ABCF1: variants seen among roughly 807,000 people sequenced by gnomAD.
ABCF1 encodes the protein ATP binding cassette subfamily F member 1, also known as ATP-binding cassette sub-family F member 1.
Under a neutral mutation model 126.3 loss-of-function variants are expected in ABCF1, and 73 were observed. The observed-to-expected ratio is 0.58, with a 90% CI of 0.48 to 0.70. The LOEUF is 0.70. Ranked by LOEUF, ABCF1 falls within the 30% of genes least tolerant of loss-of-function variation. The pLI, the probability that ABCF1 is intolerant of heterozygous loss-of-function variation, is 0.00. For missense variants in ABCF1, 786 were observed against 1,057.5 expected, an observed-to-expected ratio of 0.74 and a Z score of 3.56; for synonymous variants, 345 against 396.4, an observed-to-expected ratio of 0.87 and a Z score of 1.54.
rs925493762 is a variant in ABCF1, at chr6:30,582,407, A to G, written c.692A>G (p.Glu231Gly). The change falls in exon 9 of 25, where the codon GAA (glutamate) becomes GGA (glycine). Residue 231 changes from glutamate to glycine, a missense_variant. By Grantham distance (98) the Glu-to-Gly change is moderately conservative. This residue lies in a region of ABCF1 where 322 missense variants were observed against 322.9 expected (regional missense o/e 1.00). Coordinates refer to ENST00000326195, the MANE Select transcript of ABCF1 (RefSeq NM_001025091.2). ...AKKAEQGSEE[E>G]GEGEEEEEEG... is the part of the protein sequence containing the mutation. ...GGGTTCTCACAGGGTTCAGAGGAAG[A>G]AGGAGAAGGGGAAGAAGAGGAGGAG... 4 of 1,604,058 alleles carry G rather than the reference A, an allele frequency of 2.5e-6. No homozygotes were observed. Among genetic ancestry groups the G allele is most frequent in the Non-Finnish European group, 3.4e-6 (4 of 1,172,364 alleles).
In ABCF1 at chr6:30,586,010, T is replaced by C. The variant is rs1434168834; in HGVS notation, c.1713+19T>C. 10 of 1,601,316 alleles carry C rather than the reference T, an allele frequency of 6.2e-6. No homozygotes were observed. Among genetic ancestry groups the C allele is most frequent in the African/African-American group, 1.3e-5 (1 of 74,484 alleles). On this transcript the variant is annotated intron_variant, in intron 17 of 24. Coordinates refer to ENST00000326195, the MANE Select transcript of ABCF1 (RefSeq NM_001025091.2). This position sits in a 1 kb window ranked among gnomAD's most constrained non-coding sequence, Gnocchi z 4.9. Reference sequence around the variant, plus strand: ...GCAGGCGGTGAGCACCTGAGGGACTTCTGGGCTGGGGGCCACTGTTCTCTC... The same window carrying C: ...GCAGGCGGTGAGCACCTGAGGGACTCCTGGGCTGGGGGCCACTGTTCTCTC...
chr6:30,575,631 T>C (rs1443425763), intron 1 of ABCF1, among the ~76,000 whole-genome samples: 1 of 151,954 alleles, frequency 6.6e-6, no homozygotes, highest in Admixed American at 6.6e-5. Context: ...CAGGTTACTC[T>C]CTAGAATGAA....
In ABCF1 at chr6:30,586,645, C is replaced by T; in HGVS notation, c.1965C>T (p.Cys655=). The change falls in exon 20 of 25, where the codon TGC becomes TGT. Residue 655 remains cysteine (C), a synonymous_variant. Transcript: ENST00000326195. This position sits in a 1 kb window ranked among gnomAD's most constrained non-coding sequence, Gnocchi z 4.9. ...DFGIDMDSRI[C]IVGPNGVGKS... is the part of the protein sequence containing the mutation. ...CACCTGTCTTCCATCTTGCAGTTTG[C>T]ATTGTGGGCCCTAATGGTGTGGGGA... 1.2e-6 allele frequency: 2 copies of T among 1,613,658 alleles called. No individual in the cohort carries two copies. Among genetic ancestry groups the T allele is most frequent in the Non-Finnish European group, 1.7e-6 (2 of 1,180,016 alleles).
chr6:30,582,660 C>T (rs1801887097), intron 9 of ABCF1, among the ~76,000 whole-genome samples, 153 bp downstream of exon 9: 1 of 152,150 alleles, frequency 6.6e-6, no homozygotes, highest in Non-Finnish European at 1.5e-5. Flanking sequence ...AACCTTATCT[C>T]AATGTCTGAT....
intron 2 of ABCF1, 38 bp from the exon 3 acceptor site, chr6:30,577,780 T>A (rs1325379312): frequency 1.9e-6 from 3 of 1,605,720 alleles, no homozygotes; most frequent in Non-Finnish European, 1.7e-6. Flanking sequence ...GGATTGCTCT[T>A]GGAAACATGT....
chr6:30,580,295 C>T (rs1307085320), intron 7 of ABCF1, 111 bp from the exon 8 acceptor site: 11 of 833,524 alleles, frequency 1.3e-5, no homozygotes, highest in South Asian at 1.9e-5. Context: ...TGCAGTGAGC[C>T]GAGATTGCGC....
chr6:30,578,722 C>G, intron 6 of ABCF1, 145 bp downstream of exon 6: 1 of 833,702 alleles, frequency 1.2e-6, no homozygotes, highest in East Asian at 2.7e-5. Context: ...CATGCCCAGG[C>G]TGGGCACAGT....
chr6:30,586,777 C>G lies in ABCF1; in HGVS notation c.2031+66C>G. ...AAGACACAGCTGCTTTTGCCAGAAG[C>G]TGGAATCAGGGAGCCTCTCGAGAAT... On this transcript the variant is annotated intron_variant, in intron 20 of 24. Transcript: ENST00000326195. The surrounding 1 kb of genome is among the most constrained non-coding windows in gnomAD (Gnocchi z 4.9). 1 of 1,559,036 alleles carries G rather than the reference C, an allele frequency of 6.4e-7. No individual in the cohort carries two copies. The highest frequency in any genetic ancestry group is 8.8e-7 in the Non-Finnish European group (1 of 1,134,034).
intron 1 of ABCF1, among the ~76,000 whole-genome samples, chr6:30,576,175 C>T (rs1244110709): frequency 2.0e-5 from 3 of 149,890 alleles, no homozygotes; most frequent in African/African-American, 7.4e-5. Flanking sequence ...TTCTTCCTTC[C>T]TATAAGACCT....
Position 30,586,103 on chromosome 6 carries a change from C to T in ABCF1, c.1714-31C>T. Reference sequence around the variant, plus strand: ...ATTTCAAGGACTGCCGCGCAGGGCTCAGGTTTCTCTTTTTTCCTCTTCCTC... The same window carrying T: ...ATTTCAAGGACTGCCGCGCAGGGCTTAGGTTTCTCTTTTTTCCTCTTCCTC... On this transcript the variant is annotated intron_variant, in intron 17 of 24. Coordinates refer to ENST00000326195, the MANE Select transcript of ABCF1 (RefSeq NM_001025091.2). The surrounding 1 kb of genome is among the most constrained non-coding windows in gnomAD (Gnocchi z 4.9). 1 of 1,606,342 alleles carries T rather than the reference C, an allele frequency of 6.2e-7. No homozygotes were observed.
At chr6:30,587,634 T>TA (rs879825798) in intron 20 of ABCF1, among the ~76,000 whole-genome samples, 4,425 of 138,102 alleles carry the variant, frequency 0.032, 135 homozygotes, top group African/African-American at 0.081. Context: ...AAACTCCGTC[T>TA]AAAAAAAAAA....
Position 30,590,711 on chromosome 6 carries a change from C to T in ABCF1, c.*10C>T. 6.3e-7 allele frequency: 1 copy of T among 1,599,666 alleles called. No individual in the cohort carries two copies. Among genetic ancestry groups the T allele is most frequent in the Non-Finnish European group, 8.5e-7 (1 of 1,173,548 alleles). On this transcript the variant is annotated 3_prime_UTR_variant, in exon 25 of 25. Coordinates refer to ENST00000326195, the MANE Select transcript of ABCF1 (RefSeq NM_001025091.2). ...CCGGCCCCGAGAGTGAGCTTTCCTT[C>T]CCAGAAGTCTCCCGAGAGACATATT...
intron 8 of ABCF1, 76 bp from the exon 9 acceptor site, chr6:30,582,318 A>G: frequency 1.1e-6 from 1 of 881,848 alleles, no homozygotes; most frequent in East Asian, 2.7e-5. Context: ...GGCTTCCCAA[A>G]GTGCTGGGAT....
In ABCF1 at chr6:30,578,189, TGAG is replaced by T. The variant is rs756580530; in HGVS notation, c.336_338del (p.Glu112del). ...AGAAGCTCTCAGTGCCAACCAGTGA[TGAG>T]GAGGATGAAGGTAAATGACCTGAGG... On this transcript the variant is annotated inframe_deletion, in exon 4 of 25. Coordinates refer to ENST00000326195, the MANE Select transcript of ABCF1 (RefSeq NM_001025091.2). 5.6e-6 allele frequency: 9 copies of T among 1,613,732 alleles called. 1 individual carries two copies. The East Asian group carries it at 8.9e-5, about 16-fold the overall frequency.
intron 1 of ABCF1, among the ~76,000 whole-genome samples, chr6:30,572,799 T>C (rs1016000201): frequency 3.0e-4 from 45 of 152,086 alleles, no homozygotes; most frequent in African/African-American, 1.1e-3. Flanking sequence ...CTACATCTGC[T>C]CCCCAGAGTT....
At chr6:30,582,598 G>C in intron 9 of ABCF1, 91 bp downstream of exon 9, 2 of 1,325,822 alleles carry the variant, frequency 1.5e-6, no homozygotes, top group Non-Finnish European at 1.1e-6. Flanking sequence ...GGAAAGGTTT[G>C]GGGGCTACTC....
chr6:30,577,777 T>C (rs1334289114), intron 2 of ABCF1, 41 bp from the exon 3 acceptor site: 1 of 1,601,622 alleles, frequency 6.2e-7, no homozygotes, highest in Admixed American at 1.7e-5. Flanking sequence ...CTTGGATTGC[T>C]CTTGGAAACA....
chr6:30,585,412 T>C, intron 15 of ABCF1, 69 bp downstream of exon 15: 1 of 1,589,066 alleles, frequency 6.3e-7, no homozygotes, highest in Non-Finnish European at 8.6e-7. Flanking sequence ...CTGCCCTGTT[T>C]TCCTTTAGCC....
At chr6:30,579,848 ACT>A (rs1387207570) in intron 6 of ABCF1, 81 bp from the exon 7 acceptor site, 3 of 1,365,948 alleles carry the variant, frequency 2.2e-6, no homozygotes, top group Non-Finnish European at 1.0e-6. Context: ...AACACAGTAG[ACT>A]CTCTAGAAAT....
Sources: allele counts gnomAD v4.1 joint callset (sites outside exome capture counted in the v4.1 genomes callset), GRCh38; gene constraint gnomAD v4.1.1; regional missense constraint gnomAD v4.1.1; non-coding constraint Gnocchi (gnomAD v3.1); transcripts MANE v1.5; gene names NCBI Gene and HGNC (gene_info 2026-07-23, HGNC 2026-07-21).